Variants in CLNK observed in about 807,000 individuals in gnomAD.
CLNK encodes the protein cytokine-dependent hematopoietic cell linker.
CLNK carries 74 observed loss-of-function variants against 68.6 expected under a neutral mutation model. That is an observed-to-expected ratio of 1.08 (90% CI 0.89 to 1.31). The LOEUF (loss-of-function observed/expected upper bound fraction) is 1.31. Among genes scored for constraint, CLNK ranks in the 50% most tolerant of loss-of-function variants. The probability of loss-of-function intolerance (pLI) is 0.00; values close to 1 mark genes in which losing one functional copy is unlikely to be tolerated. For missense variants in CLNK, 553 were observed against 515.3 expected, an observed-to-expected ratio of 1.07 and a Z score of -0.71; for synonymous variants, 198 against 172.2, an observed-to-expected ratio of 1.15 and a Z score of -1.17.
chr4:10,510,420 G>A (rs910657611), intron 16 of CLNK, among the ~76,000 whole-genome samples: 18 of 152,172 alleles, frequency 1.2e-4, no homozygotes, highest in African/African-American at 4.1e-4. Context: ...ATTTAATAGC[G>A]TGTTTTGTTT....
chr4:10,566,515 T>G (rs908776925), intron 5 of CLNK, among the ~76,000 whole-genome samples: 2 of 152,184 alleles, frequency 1.3e-5, no homozygotes, highest in Admixed American at 1.3e-4. Flanking sequence ...AGGACTTACT[T>G]GCAAATAAGA....
chr4:10,654,323 T>A (rs1028987399), intron 2 of CLNK, among the ~76,000 whole-genome samples: 9 of 147,640 alleles, frequency 6.1e-5, no homozygotes, highest in African/African-American at 1.5e-4. Context: ...GAAAAATATA[T>A]AATCACTTTA....
At chr4:10,508,090 ATTG>A in intron 16 of CLNK, 54 bp from the exon 17 acceptor site, 2 of 1,360,052 alleles carry the variant, frequency 1.5e-6, no homozygotes, top group Non-Finnish European at 2.1e-6. Context: ...AGTATGAATT[ATTG>A]ATTAATTAAT....
chr4:10,664,116 A>C (rs1331131241), intron 2 of CLNK, among the ~76,000 whole-genome samples: 4 of 152,184 alleles, frequency 2.6e-5, no homozygotes, highest in African/African-American at 9.7e-5. Flanking sequence ...CATAGTTACA[A>C]AGTCTGCTTA....
intron 14 of CLNK, among the ~76,000 whole-genome samples, chr4:10,525,164 A>T (rs1050090892): frequency 1.3e-5 from 2 of 152,142 alleles, no homozygotes; most frequent in African/African-American, 4.8e-5. Context: ...TCCCGGGTTC[A>T]CGCCATTCTC....
At chr4:10,643,161 A>T (rs975130737) in intron 2 of CLNK, among the ~76,000 whole-genome samples, 1 of 152,212 alleles carries the variant, frequency 6.6e-6, no homozygotes, top group Non-Finnish European at 1.5e-5. Context: ...CCTGGAAAAG[A>T]ATGAATCTTC....
chr4:10,509,800 A>G (rs1427151594), intron 16 of CLNK, among the ~76,000 whole-genome samples: 3 of 152,132 alleles, frequency 2.0e-5, no homozygotes, highest in Non-Finnish European at 4.4e-5. Context: ...TGCTGGGGTT[A>G]CAGGTGTGAG....
chr4:10,642,898 C>T (rs763161615), intron 2 of CLNK, among the ~76,000 whole-genome samples: 4 of 152,116 alleles, frequency 2.6e-5, no homozygotes, highest in Non-Finnish European at 5.9e-5. Flanking sequence ...GCTTCAAAGC[C>T]ATAAGTCGCC....
chr4:10,654,393 A>ATATATATATATATATATATG (rs1408561335), intron 2 of CLNK, among the ~76,000 whole-genome samples: 1 of 133,854 alleles, frequency 7.5e-6, no homozygotes, highest in Non-Finnish European at 1.7e-5. Context: ...AAATATATAT[A>ATATATATATATATATATATG]TATATATATA....
the CLNK span, among the ~76,000 whole-genome samples, chr4:10,718,270 C>T: frequency 6.6e-6 from 1 of 152,094 alleles, no homozygotes; most frequent in Non-Finnish European, 1.5e-5. Context: ...TAAATACTGA[C>T]AACTCTCCCA....
the CLNK span, among the ~76,000 whole-genome samples, chr4:10,723,069 A>G: frequency 6.6e-6 from 1 of 151,898 alleles, no homozygotes; most frequent in African/African-American, 2.4e-5. Flanking sequence ...CCCTCTAGAC[A>G]TTTCCTATTG....
chr4:10,586,195 G>C (rs139023342), intron 3 of CLNK, among the ~76,000 whole-genome samples: 157 of 152,230 alleles, frequency 1.0e-3, no homozygotes, highest in Non-Finnish European at 1.8e-3. Context: ...GTACTGGTTC[G>C]TGGCCTGGGT....
At chr4:10,615,797 G>A (rs951339343) in intron 2 of CLNK, among the ~76,000 whole-genome samples, 1 of 152,132 alleles carries the variant, frequency 6.6e-6, no homozygotes, top group Non-Finnish European at 1.5e-5. Context: ...ATTTTTCCAA[G>A]GTCAACTAGT....
intron 2 of CLNK, among the ~76,000 whole-genome samples, chr4:10,648,963 C>T (rs1389698955): frequency 2.0e-5 from 3 of 152,134 alleles, no homozygotes; most frequent in African/African-American, 7.2e-5. Flanking sequence ...AATCCTTTAT[C>T]TCTGAAGATT....
At chr4:10,558,331 G>T in intron 8 of CLNK, 76 bp downstream of exon 8, 1 of 1,220,140 alleles carries the variant, frequency 8.2e-7, no homozygotes, top group Non-Finnish European at 1.2e-6. Flanking sequence ...ACCACAAACA[G>T]TAATGCGAGA....
At chr4:10,650,059 T>C (rs1455816485) in intron 2 of CLNK, among the ~76,000 whole-genome samples, 1 of 152,076 alleles carries the variant, frequency 6.6e-6, no homozygotes, top group African/African-American at 2.4e-5. Context: ...AAAAGGAACT[T>C]TCATATAAAA....
chr4:10,524,092 A>AGGG, intron 14 of CLNK: 1 of 197,354 alleles, frequency 5.1e-6, no homozygotes, highest in Non-Finnish European at 1.1e-5. Context: ...AGAGAAGAGG[A>AGGG]GGAGGAGGAG....
intron 17 of CLNK, among the ~76,000 whole-genome samples, chr4:10,506,627 T>G (rs1279789276): frequency 6.6e-6 from 1 of 152,204 alleles, no homozygotes; most frequent in African/African-American, 2.4e-5. Context: ...AAGCCCCTTC[T>G]ATTGTGACCT....
In CLNK at chr4:10,489,521, T is replaced by C. The variant is rs1410876865; in HGVS notation, c.*946A>G. The C allele has an allele frequency of 2.0e-5, 3 of 152,212 alleles. No individual in the cohort carries two copies. Among genetic ancestry groups the C allele is most frequent in the South Asian group, 4.1e-4 (2 of 4,822 alleles). 9.4% of individuals were successfully genotyped at this position (152,212 alleles called of 1,614,324 possible). ...CAGATGATGCTGGAGGCTGGTCCCA[T>C]GACCGTTTCACACCCTAGTCAGAGG... On this transcript the variant is annotated 3_prime_UTR_variant, in exon 19 of 19. Coordinates refer to ENST00000226951, the MANE Select transcript of CLNK (RefSeq NM_052964.4).
Sources: gnomAD v4.1 joint callset for allele counts (sites outside exome capture counted in the v4.1 genomes callset) on GRCh38, gnomAD v4.1.1 for gene constraint, MANE v1.5 for transcripts, NCBI Gene and HGNC (gene_info 2026-07-23, HGNC 2026-07-21) for gene names.